The following GRIN2A variants were observed in gnomAD, a reference collection of about 807,000 sequenced individuals.
GRIN2A encodes the protein glutamate ionotropic receptor NMDA type subunit 2A, also known as glutamate receptor ionotropic, NMDA 2A.
In GRIN2A, 22 loss-of-function variants were observed where a neutral mutation model predicts 113.4. That is an observed-to-expected ratio of 0.19 (90% confidence interval 0.14 to 0.28). The LOEUF (loss-of-function observed/expected upper bound fraction) is 0.28. Ranked by LOEUF, GRIN2A falls within the 10% of genes least tolerant of loss-of-function variation. GRIN2A has a pLI of 1.00. For synonymous variants in GRIN2A, 827 were observed against 738.4 expected (o/e 1.12, Z -1.94); for missense variants, 1,502 against 1,887.0 (o/e 0.80, Z 3.78).
rs138131206 is a variant in GRIN2A, at chr16:9,824,403, G to A, written c.2008-1979C>T. Among the ~76,000 whole-genome samples, 1,337 of 152,320 alleles carry A rather than the reference G, an allele frequency of 8.8e-3. 14 individuals are homozygous for A. Among genetic ancestry groups the A allele is most frequent in the Non-Finnish European group, 0.014 (945 of 68,030 alleles). ...AGTGCTGTTCATAAATCTCCTTGTA[G>A]CAGCCATTCCCAATCTCCAGAGATA... On this transcript the variant is annotated intron_variant, in intron 9 of 12. Coordinates refer to ENST00000330684, the MANE Select transcript of GRIN2A (RefSeq NM_001134407.3).
intron 4 of GRIN2A, among the ~76,000 whole-genome samples, chr16:9,864,539 C>T (rs890947129): frequency 1.3e-5 from 2 of 152,184 alleles, no homozygotes; most frequent in Admixed American, 1.3e-4. Flanking sequence ...GCTAAGGAAG[C>T]ACGAGACTTC....
chr16:9,951,887 G>A (rs2045192824), intron 2 of GRIN2A, among the ~76,000 whole-genome samples: 1 of 152,096 alleles, frequency 6.6e-6, no homozygotes, highest in Non-Finnish European at 1.5e-5. Flanking sequence ...TTCAACCTCA[G>A]GTAAGTTTGT....
Position 10,081,010 on chromosome 16 carries a change from T to C in GRIN2A, c.414+98988A>G, listed in dbSNP as rs549746401. ...CTGTTGCTCATACAATTCTGAGTTG[T>C]ACCTGAGGGCAGAATCAGAGTGGTC... On this transcript the variant is annotated intron_variant, in intron 2 of 12. Coordinates refer to ENST00000330684, the MANE Select transcript of GRIN2A (RefSeq NM_001134407.3). Among the ~76,000 whole-genome samples, 10 of 152,348 alleles carry C rather than the reference T, an allele frequency of 6.6e-5. No homozygotes were observed. In the South Asian group the frequency reaches 2.1e-3, roughly 32 times the overall value.
Position 9,798,341 on chromosome 16 carries a change from G to T in GRIN2A, c.2292C>A (p.Ala764=). 3.1e-6 allele frequency: 5 copies of T among 1,613,994 alleles called. No homozygotes were observed. The highest frequency in any genetic ancestry group is 3.4e-6 in the Non-Finnish European group (4 of 1,179,954). Residue 764 remains alanine (A), a synonymous_variant, in exon 11 of 13, where the codon GCC becomes GCA. Transcript: ENST00000330684. ...YIFATTGYGI[A]LQKGSPWKRQ... ...TCTTCCAAGGAGAGCCTTTCTGAAG[G>T]GCAATTCCATAACCGGTGGTGGCAA...
At chr16:10,112,205 C>T (rs1192160085) in intron 2 of GRIN2A, 3 of 595,058 alleles carry the variant, frequency 5.0e-6, no homozygotes, top group Non-Finnish European at 6.2e-6. Context: ...TGGACTCCTC[C>T]CAAGGGAACT....
At chr16:10,116,560 C>G (rs1038281699) in intron 2 of GRIN2A, among the ~76,000 whole-genome samples, 38 of 152,204 alleles carry the variant, frequency 2.5e-4, no homozygotes, top group African/African-American at 8.4e-4. Context: ...TACTTTAGAG[C>G]AGATGCTAAA....
intron 2 of GRIN2A, among the ~76,000 whole-genome samples, chr16:10,013,249 T>A (rs1196878046): frequency 6.6e-6 from 1 of 152,208 alleles, no homozygotes; most frequent in East Asian, 1.9e-4. Flanking sequence ...CCAGGGTGTA[T>A]CTATGGGCTG....
intron 3 of GRIN2A, among the ~76,000 whole-genome samples, chr16:9,932,568 A>G (rs2044620455): frequency 6.6e-6 from 1 of 151,330 alleles, no homozygotes; most frequent in South Asian, 2.1e-4. Flanking sequence ...TTTTTAGTAG[A>G]GATAGGGTTT....
At chr16:9,972,116 C>T (rs567370255) in intron 2 of GRIN2A, among the ~76,000 whole-genome samples, 6 of 152,214 alleles carry the variant, frequency 3.9e-5, no homozygotes, top group African/African-American at 9.6e-5. Flanking sequence ...TAAACTCTGC[C>T]CAAGCCTCTG....
chr16:10,133,949 A>T (rs1470916378), intron 2 of GRIN2A, among the ~76,000 whole-genome samples: 2 of 152,174 alleles, frequency 1.3e-5, no homozygotes, highest in African/African-American at 4.8e-5. Context: ...ATGGGAGGCC[A>T]AGGTGGTTGG....
rs147010082 is a variant in GRIN2A, at chr16:9,911,177, G to A, written c.1008-20077C>T. ...GCAAAGAGTTAGCGGAGGTCAGCCC[G>A]TGTAGAGAAGTTTCCAAAATGACCA... On this transcript the variant is annotated intron_variant, in intron 3 of 12. Coordinates refer to ENST00000330684, the MANE Select transcript of GRIN2A (RefSeq NM_001134407.3). Among the ~76,000 whole-genome samples, 75 of 152,238 alleles carry A rather than the reference G, an allele frequency of 4.9e-4. 1 individual carries two copies. The South Asian group carries it at 8.9e-3, about 18-fold the overall frequency.
chr16:10,047,677 T>C (rs2047284374), intron 2 of GRIN2A, among the ~76,000 whole-genome samples: 1 of 152,186 alleles, frequency 6.6e-6, no homozygotes, highest in African/African-American at 2.4e-5. Flanking sequence ...GAAACCCCTC[T>C]GAATATTGGA....
At chr16:9,805,230 C>G (rs560412093) in intron 10 of GRIN2A, among the ~76,000 whole-genome samples, 3 of 152,172 alleles carry the variant, frequency 2.0e-5, no homozygotes, top group Non-Finnish European at 4.4e-5. Flanking sequence ...ATTTCCTAAT[C>G]AAAAGTTTCC....
intron 2 of GRIN2A, among the ~76,000 whole-genome samples, chr16:10,104,999 G>T (rs368344623): frequency 5.8e-4 from 89 of 152,284 alleles, no homozygotes; most frequent in African/African-American, 2.0e-3. Context: ...GAAGCCTGAA[G>T]CAAACTTTTA....
chr16:9,986,165 G>A (rs1002820643), intron 2 of GRIN2A, among the ~76,000 whole-genome samples: 2 of 152,014 alleles, frequency 1.3e-5, no homozygotes, highest in Non-Finnish European at 2.9e-5. Flanking sequence ...GCTGGGTACC[G>A]AGATAAGAAA....
intron 3 of GRIN2A, among the ~76,000 whole-genome samples, chr16:9,917,937 G>T (rs1037550977): frequency 6.6e-6 from 1 of 152,074 alleles, no homozygotes; most frequent in Non-Finnish European, 1.5e-5. Context: ...ACTTAATTAA[G>T]CTATGCAAAG....
intron 2 of GRIN2A, among the ~76,000 whole-genome samples, chr16:10,175,271 G>C (rs1459253108): frequency 1.3e-5 from 2 of 152,214 alleles, no homozygotes; most frequent in African/African-American, 4.8e-5. Context: ...ACATATGCAT[G>C]TATATTCAGA....
At chr16:9,772,199 A>G (rs78674519) in intron 11 of GRIN2A, among the ~76,000 whole-genome samples, 5,148 of 152,162 alleles carry the variant, frequency 0.034, 195 homozygotes, top group African/African-American at 0.093. Context: ...AAGTCATGGG[A>G]GACTTTGAAA....
At chr16:10,144,945 G>GATGA (rs1410883472) in intron 2 of GRIN2A, among the ~76,000 whole-genome samples, 12 of 123,278 alleles carry the variant, frequency 9.7e-5, no homozygotes, top group South Asian at 8.2e-4. Flanking sequence ...AAAAAAGAGA[G>GATGA]ATGAATGAAT....
Sources: allele counts gnomAD v4.1 joint callset (sites outside exome capture counted in the v4.1 genomes callset), GRCh38; gene constraint gnomAD v4.1.1; transcripts MANE v1.5; gene names NCBI Gene and HGNC (gene_info 2026-07-23, HGNC 2026-07-21).